ERAP1: variants seen among roughly 807,000 people sequenced by gnomAD.
The protein encoded by ERAP1 is adipocyte-derived leucine aminopeptidase.
A neutral mutation model predicts 103.7 loss-of-function variants in ERAP1; 86 were observed. The ratio of observed to expected loss-of-function variants is 0.83; its 90% CI spans 0.70 to 0.99. The LOEUF is 0.99. Among genes scored for constraint, ERAP1 ranks in the 50% least tolerant of loss-of-function variants. ERAP1 has a pLI of 0.00. For missense variants in ERAP1, 1,009 were observed against 1,128.4 expected (o/e 0.89, Z 1.52); for synonymous variants, 398 against 402.4 (o/e 0.99, Z 0.13).
the ERAP1 span, among the ~76,000 whole-genome samples, chr5:96,877,731 A>AT: frequency 0.52 from 79,306 of 151,774 alleles, 20,888 homozygotes; most frequent in South Asian, 0.61. Context: ...AAGCCACTCC[A>AT]TTTTTTTTAA....
the ERAP1 span, chr5:96,880,364 G>C: frequency 9.7e-7 from 1 of 1,035,092 alleles, no homozygotes; most frequent in Non-Finnish European, 1.4e-6. Flanking sequence ...GAGAAATCCA[G>C]TGAACTATGG....
At chr5:96,836,393 G>A in the ERAP1 span, among the ~76,000 whole-genome samples, 1 of 151,812 alleles carries the variant, frequency 6.6e-6, no homozygotes, top group African/African-American at 2.4e-5. Flanking sequence ...GTAGAGACAG[G>A]GTTTCACCAT....
chr5:96,844,825 G>C, the ERAP1 span, among the ~76,000 whole-genome samples: 2 of 152,164 alleles, frequency 1.3e-5, no homozygotes, highest in African/African-American at 4.8e-5. Context: ...CTTTTAAAAA[G>C]GGCTGTTGAT....
chr5:96,775,390 A>G lies in ERAP1; in HGVS notation c.*1006T>C. 3 of 769,708 alleles carry G rather than the reference A, an allele frequency of 3.9e-6. No homozygotes were observed. The highest frequency in any genetic ancestry group is 6.8e-4 in the Middle Eastern group (1 of 1,468). The allele number at this position is 769,708 out of a possible 1,614,324, so 47.7% of individuals were successfully genotyped here. On this transcript the variant is annotated 3_prime_UTR_variant, in exon 19 of 19. Coordinates refer to ENST00000443439, the MANE Select transcript of ERAP1 (RefSeq NM_001040458.3). ...TTACTGTCAGTAAATGCCAATAACT[A>G]GTTAGTTAGAAATTGTAAAGTAGGC...
Position 96,776,536 on chromosome 5 carries a change from T to TGAA in ERAP1, c.2683_2685dup (p.Phe895dup), listed in dbSNP as rs1774332692. ...TGAGAACCATTTTCTTTCAAAGAGCTGAAGAATCCTTTTACCTTGTGAGGA... is the reference window on the plus strand; with the variant it reads ...TGAGAACCATTTTCTTTCAAAGAGCTGAAGAAGAATCCTTTTACCTTGTGAGGA... On this transcript the variant is annotated inframe_insertion, in exon 19 of 19. Coordinates refer to ENST00000443439, the MANE Select transcript of ERAP1 (RefSeq NM_001040458.3). 1 of 1,613,904 alleles carries TGAA rather than the reference T, an allele frequency of 6.2e-7. No homozygotes were observed. The highest frequency in any genetic ancestry group is 8.5e-7 in the Non-Finnish European group (1 of 1,179,988).
chr5:96,784,528 C>G (rs1417885502), intron 13 of ERAP1, among the ~76,000 whole-genome samples: 1 of 152,112 alleles, frequency 6.6e-6, no homozygotes, highest in Non-Finnish European at 1.5e-5. Flanking sequence ...ATATAAGTCT[C>G]TTTTCTATCA....
At chr5:96,922,014 C>T in the ERAP1 span, among the ~76,000 whole-genome samples, 2 of 152,136 alleles carry the variant, frequency 1.3e-5, no homozygotes, top group Non-Finnish European at 2.9e-5. Flanking sequence ...AAACTGTTTT[C>T]TAGGCCGGGC....
intron 4 of ERAP1, among the ~76,000 whole-genome samples, chr5:96,795,605 C>A (rs1777262826): frequency 6.6e-6 from 1 of 152,196 alleles, no homozygotes; most frequent in African/African-American, 2.4e-5. Flanking sequence ...TCTAACAGGA[C>A]ATACAATCCC....
chr5:96,813,650 CAA>C, the ERAP1 span, among the ~76,000 whole-genome samples: 463 of 55,012 alleles, frequency 8.4e-3, 3 homozygotes, highest in Admixed American at 0.038. Context: ...AGACTCATCT[CAA>C]AAAAAAAAAA....
At chr5:96,798,602 A>G (rs1293530187) in intron 3 of ERAP1, among the ~76,000 whole-genome samples, 3 of 150,598 alleles carry the variant, frequency 2.0e-5, no homozygotes, top group Admixed American at 6.6e-5. Context: ...GTTTTGAGAG[A>G]TAGGGTCTTG....
chr5:96,820,308 C>A, the ERAP1 span, among the ~76,000 whole-genome samples: 2,724 of 151,862 alleles, frequency 0.018, 74 homozygotes, highest in African/African-American at 0.063. Flanking sequence ...GAAAGAAAAT[C>A]TCATTTTCAG....
At chr5:96,901,193 T>A in the ERAP1 span, among the ~76,000 whole-genome samples, 11,398 of 147,942 alleles carry the variant, frequency 0.077, 503 homozygotes, top group South Asian at 0.15. Context: ...TGTTTGATTT[T>A]GTTTGTTTGC....
In ERAP1 at chr5:96,793,949, CAGCA is replaced by C; in HGVS notation, c.924_927del (p.Ala309LeufsTer15). The C allele has an allele frequency of 6.2e-7, 1 of 1,614,070 alleles. No individual in the cohort carries two copies. Among genetic ancestry groups the C allele is most frequent in the South Asian group, 1.1e-5 (1 of 91,074 alleles). ...GCACCAGACTGAAAGTCGGGAATAGCAGCAAGATCTTGGGAAGGAAGTAATAAAA... is the reference window on the plus strand; with the variant it reads ...GCACCAGACTGAAAGTCGGGAATAGCAGATCTTGGGAAGGAAGTAATAAAA... On this transcript the variant is annotated frameshift_variant, in exon 6 of 19. Coordinates refer to ENST00000443439, the MANE Select transcript of ERAP1 (RefSeq NM_001040458.3). LOFTEE classifies it high-confidence loss of function.
chr5:96,855,486 G>A, the ERAP1 span, among the ~76,000 whole-genome samples: 1 of 152,140 alleles, frequency 6.6e-6, no homozygotes, highest in Admixed American at 6.5e-5. Context: ...AAACCCAGGT[G>A]GGTGGGCAGC....
the ERAP1 span, among the ~76,000 whole-genome samples, chr5:96,867,994 G>A: frequency 1.3e-5 from 2 of 152,080 alleles, no homozygotes; most frequent in Admixed American, 6.5e-5. Context: ...AGAATTGCTT[G>A]AGCCCAGGAG....
At chr5:96,797,124 C>A (rs754278402) in intron 4 of ERAP1, 51 bp downstream of exon 4, 1 of 1,612,888 alleles carries the variant, frequency 6.2e-7, no homozygotes. Context: ...AAAACCAGTT[C>A]CAAGCAAACC....
chr5:96,808,190 G>T (rs1446131206), upstream of ERAP1: 1 of 16,792 alleles, frequency 6.0e-5, no homozygotes, highest in Non-Finnish European at 1.9e-4. Context: ...GCGGATCCGT[G>T]TGTGTGTGTG....
the ERAP1 span, among the ~76,000 whole-genome samples, chr5:96,832,690 T>A: frequency 6.6e-6 from 1 of 152,248 alleles, no homozygotes; most frequent in South Asian, 2.1e-4. Context: ...GTAAAATGTA[T>A]TTAAGTCTCT....
the ERAP1 span, among the ~76,000 whole-genome samples, chr5:96,838,962 T>C: frequency 6.6e-6 from 1 of 152,360 alleles, no homozygotes; most frequent in Admixed American, 6.5e-5. Context: ...CCCCAGGCCG[T>C]GCACACTTCT....
Sources: gnomAD v4.1 joint callset for allele counts (sites outside exome capture counted in the v4.1 genomes callset) on GRCh38, gnomAD v4.1.1 for gene constraint, MANE v1.5 for transcripts, NCBI Gene and HGNC (gene_info 2026-07-23, HGNC 2026-07-21) for gene names.